DST: variants seen among roughly 807,000 people sequenced by gnomAD.
DST encodes the protein bullous pemphigoid antigen.
A neutral mutation model predicts 875.2 loss-of-function variants in DST; 253 were observed. The ratio of observed to expected loss-of-function variants is 0.29; its 90% CI spans 0.26 to 0.32. DST has a LOEUF of 0.32. Ranked by LOEUF, DST falls within the 10% of genes least tolerant of loss-of-function variation. The pLI is 1.00. For synonymous variants in DST, 3,124 were observed against 3,197.1 expected, an observed-to-expected ratio of 0.98 and a Z score of 0.77; for missense variants, 8,287 against 9,111.6, an observed-to-expected ratio of 0.91 and a Z score of 3.68.
chr6:56,868,884 C>G (rs970553324), intron 3 of DST, among the ~76,000 whole-genome samples: 2 of 152,150 alleles, frequency 1.3e-5, no homozygotes, highest in African/African-American at 4.8e-5. Flanking sequence ...CTTCTCAATA[C>G]CCTATGTAAA....
Position 56,697,430 on chromosome 6 carries a change from G to T in DST, c.1047+2223C>A, listed in dbSNP as rs111933013. On this transcript the variant is annotated intron_variant, in intron 9 of 103. Transcript: ENST00000680361. ...AGCAAAATTTAATTGAGCAAAAAAC[G>T]ATTTGAGAATCAGGCAGCCCCCAAA... is the stretch of plus-strand genomic sequence containing the variant. Among the ~76,000 whole-genome samples the T allele has an allele frequency of 1.5e-3, 221 of 152,208 alleles. 5 individuals carry two copies. Among genetic ancestry groups the T allele is most frequent in the African/African-American group, 5.0e-3 (206 of 41,524 alleles).
intron 98 of DST, among the ~76,000 whole-genome samples, chr6:56,467,698 AGAT>A (rs1481292988): frequency 2.0e-5 from 3 of 152,166 alleles, no homozygotes; most frequent in African/African-American, 7.2e-5. Context: ...TTCCTTATAG[AGAT>A]GATATTTCAA....
At chr6:56,835,278 T>C (rs1403464547) in intron 4 of DST, among the ~76,000 whole-genome samples, 2 of 152,198 alleles carry the variant, frequency 1.3e-5, no homozygotes, top group Non-Finnish European at 2.9e-5. Flanking sequence ...CATGATATTA[T>C]GCATTTGTCA....
chr6:56,648,376 C>G (rs2098956245), intron 13 of DST, among the ~76,000 whole-genome samples, 194 bp downstream of exon 13: 1 of 152,124 alleles, frequency 6.6e-6, no homozygotes, highest in Non-Finnish European at 1.5e-5. Flanking sequence ...TACAGCTAAT[C>G]TGTTTTAATT....
intron 62 of DST, among the ~76,000 whole-genome samples, chr6:56,536,235 T>C (rs983655594): frequency 6.6e-6 from 1 of 152,244 alleles, no homozygotes; most frequent in East Asian, 1.9e-4. Context: ...AGAAAAAGGT[T>C]GGACCTACAT....
In DST at chr6:56,953,890, T is replaced by C. The variant is rs977666320; in HGVS notation, c.182-71A>G. ...TTCACCTACCGAGTGACTCATGACT[T>C]ACCTGGGAGACCAGGGTTGGGAAAG... On this transcript the variant is annotated intron_variant, in intron 1 of 103. Coordinates refer to ENST00000680361, the MANE Select transcript of DST (RefSeq NM_001374736.1). 6 of 1,153,696 alleles carry C rather than the reference T, an allele frequency of 5.2e-6. No homozygotes were observed. The Admixed American group carries it at 1.3e-4, about 24-fold the overall frequency. The allele number at this position is 1,153,696 out of a possible 1,614,324, so 71.5% of individuals were successfully genotyped here. A position where few individuals can be genotyped will look rare whatever the true frequency, so the allele number is the denominator to read the frequency against.
At chr6:56,810,879 G>A (rs927117366) in intron 4 of DST, among the ~76,000 whole-genome samples, 1 of 151,980 alleles carries the variant, frequency 6.6e-6, no homozygotes, top group African/African-American at 2.4e-5. Flanking sequence ...AAAAAACCTG[G>A]GAGAAAAAAG....
intron 3 of DST, among the ~76,000 whole-genome samples, chr6:56,865,261 C>CTGTGTGTGTGTG (rs35870270): frequency 8.8e-4 from 127 of 143,784 alleles, no homozygotes; most frequent in African/African-American, 3.0e-3. Flanking sequence ...CCCTAGTTTT[C>CTGTGTGTGTGTG]TGTGTGTGTG....
chr6:56,592,648 T>A (rs1488595281), intron 48 of DST, among the ~76,000 whole-genome samples: 1 of 152,202 alleles, frequency 6.6e-6, no homozygotes, highest in African/African-American at 2.4e-5. Flanking sequence ...ACATCAATCA[T>A]CAGAGGAAGG....
intron 53 of DST, 75 bp from the exon 54 acceptor site, chr6:56,570,087 A>G: frequency 9.0e-7 from 1 of 1,107,182 alleles, no homozygotes; most frequent in Non-Finnish European, 1.3e-6. Context: ...CATGTCACAC[A>G]ATGTTAAGAA....
At chr6:56,716,653 A>G (rs2099395626) in intron 5 of DST, among the ~76,000 whole-genome samples, 1 of 152,208 alleles carries the variant, frequency 6.6e-6, no homozygotes. Context: ...AAATTATGGT[A>G]GTGAAAGAGA....
At chr6:56,632,774 T>C (rs2098792177) in intron 28 of DST, 80 bp downstream of exon 28, 8 of 1,148,602 alleles carry the variant, frequency 7.0e-6, no homozygotes, top group Non-Finnish European at 9.1e-6. Flanking sequence ...ATACCTAAGA[T>C]TGAGATTCCC....
rs953361391 is a variant in DST, at chr6:56,561,205, G to A, written c.14310+103C>T. 1.1e-5 allele frequency: 14 copies of A among 1,277,634 alleles called. No homozygotes were observed. The African/African-American group carries it at 1.9e-4, about 18-fold the overall frequency. 79.1% of individuals were successfully genotyped at this position (1,277,634 alleles called of 1,614,324 possible). On this transcript the variant is annotated intron_variant, in intron 57 of 103. Transcript: ENST00000680361. ...TCAATTATGTGCTAAAGGTTACAGA[G>A]CTAGAAAAGAAAACAGAGCAGAGCT...
intron 4 of DST, among the ~76,000 whole-genome samples, chr6:56,799,146 G>A (rs907516043): frequency 3.9e-5 from 6 of 152,208 alleles, no homozygotes; most frequent in African/African-American, 1.4e-4. Context: ...AGCGGGGCTT[G>A]AGAAGATTAA....
At position 56,497,070 on chromosome 6, in the gene DST, C is replaced by T. The variant is rs577198335; in HGVS notation, c.20223+309G>A. Among the ~76,000 whole-genome samples the T allele has an allele frequency of 3.2e-4, 49 of 151,862 alleles. No individual in the cohort carries two copies. In the South Asian group the frequency reaches 7.3e-3, roughly 23 times the overall value. On this transcript the variant is annotated intron_variant, in intron 82 of 103. Transcript: ENST00000680361. Reference sequence around the variant, plus strand: ...AGGAGATACACCTAATGCTAAATGACGAGTTAATGGGTGCAGGACACCAGC... The same window carrying T: ...AGGAGATACACCTAATGCTAAATGATGAGTTAATGGGTGCAGGACACCAGC...
At chr6:56,811,941 GA>G (rs528402274) in intron 4 of DST, among the ~76,000 whole-genome samples, 116 of 144,964 alleles carry the variant, frequency 8.0e-4, no homozygotes, top group Non-Finnish European at 1.3e-3. Context: ...CTAAAAATAC[GA>G]AAAAAAAAAA....
At chr6:56,548,129 A>T (rs1020549555) in intron 61 of DST, among the ~76,000 whole-genome samples, 2 of 152,228 alleles carry the variant, frequency 1.3e-5, no homozygotes, top group Non-Finnish European at 2.9e-5. Context: ...CACTGGAAGA[A>T]GAAGAGTTGT....
chr6:56,611,433 C>A (rs1161068545), intron 38 of DST, 75 bp downstream of exon 38: 1 of 966,836 alleles, frequency 1.0e-6, no homozygotes, highest in Admixed American at 2.0e-5. Flanking sequence ...TTAAAATTTA[C>A]CACCTCTGTT....
At chr6:56,480,805 T>C (rs1264940807) in intron 90 of DST, among the ~76,000 whole-genome samples, 5 of 152,148 alleles carry the variant, frequency 3.3e-5, no homozygotes, top group African/African-American at 2.4e-5. Context: ...CTCCTTTCTG[T>C]AGGGTGTTAG....
Sources: gnomAD v4.1 joint callset for allele counts (sites outside exome capture counted in the v4.1 genomes callset) on GRCh38, gnomAD v4.1.1 for gene constraint, MANE v1.5 for transcripts, NCBI Gene and HGNC (gene_info 2026-07-23, HGNC 2026-07-21) for gene names.